The following WWOX variants were observed in gnomAD, a reference collection of about 807,000 sequenced individuals.
WWOX encodes the protein WW domain containing oxidoreductase.
Under a neutral mutation model 46.2 loss-of-function variants are expected in WWOX, and 69 were observed. The observed-to-expected ratio is 1.49, with a 90% CI of 1.23 to 1.82. The LOEUF (loss-of-function observed/expected upper bound fraction) is 1.82. WWOX is among the 40% of genes most tolerant of loss of function. The pLI is 0.00. For missense variants in WWOX, 919 were observed against 542.6 expected (o/e 1.69, Z -6.89); for synonymous variants, 359 against 202.6 (o/e 1.77, Z -6.56).
At chr16:78,159,671 G>GTTTTTTTTTT (rs1343670783) in intron 4 of WWOX, among the ~76,000 whole-genome samples, 9 of 84,596 alleles carry the variant, frequency 1.1e-4, no homozygotes, top group Admixed American at 2.8e-4. Context: ...TAAAATCTGT[G>GTTTTTTTTTT]GTTTTTTTTT....
At chr16:78,988,977 C>T (rs2046833049) in intron 8 of WWOX, among the ~76,000 whole-genome samples, 1 of 152,174 alleles carries the variant, frequency 6.6e-6, no homozygotes, top group Admixed American at 6.5e-5. Context: ...AGGAGAATTC[C>T]TGAGTTCCTG....
intron 5 of WWOX, among the ~76,000 whole-genome samples, chr16:78,367,823 C>G (rs1567529159): frequency 1.3e-5 from 2 of 151,900 alleles, no homozygotes; most frequent in Non-Finnish European, 2.9e-5. Flanking sequence ...GTGGTGCAAT[C>G]TCAGCTCACT....
intron 5 of WWOX, among the ~76,000 whole-genome samples, chr16:78,295,125 C>T (rs1242406788): frequency 6.6e-6 from 1 of 152,062 alleles, no homozygotes; most frequent in Non-Finnish European, 1.5e-5. Flanking sequence ...AGTCTCATGT[C>T]CCCTTGGCTT....
chr16:78,975,922 C>CT (rs2046563437), intron 8 of WWOX, among the ~76,000 whole-genome samples: 1 of 152,210 alleles, frequency 6.6e-6, no homozygotes, highest in African/African-American at 2.4e-5. Flanking sequence ...CTCTTCCACC[C>CT]TTTGCCCTGC....
intron 8 of WWOX, among the ~76,000 whole-genome samples, chr16:78,659,336 T>G (rs73565269): frequency 3.9e-4 from 60 of 152,138 alleles, no homozygotes; most frequent in African/African-American, 1.4e-3. Flanking sequence ...CCATCGCGCC[T>G]GGGGTTCTCA....
rs74618473 is a variant in WWOX, at chr16:78,424,802, G to A, written c.606-68G>A. The A allele has an allele frequency of 8.3e-3, 13,070 of 1,577,554 alleles. 916 individuals carry two copies. In the African/African-American group the frequency reaches 0.16, roughly 19 times the overall value. ...TTATGTCCACATCACGTGGATTCCC[G>A]AAGGAGCATGGATTATCCTTGGTTG... is the stretch of plus-strand genomic sequence containing the variant. On this transcript the variant is annotated intron_variant, in intron 6 of 8. Transcript: ENST00000566780.
chr16:78,600,830 G>A (rs1471491224), intron 8 of WWOX, among the ~76,000 whole-genome samples: 2 of 152,158 alleles, frequency 1.3e-5, no homozygotes, highest in African/African-American at 2.4e-5. Context: ...AATGGACTCA[G>A]ATGTCACTGT....
intron 8 of WWOX, among the ~76,000 whole-genome samples, chr16:78,996,008 A>G (rs1207807455): frequency 6.6e-6 from 1 of 152,214 alleles, no homozygotes; most frequent in South Asian, 2.1e-4. Flanking sequence ...GTGGCTTTGA[A>G]TGAAATACAT....
chr16:78,935,873 C>T (rs939398076), intron 8 of WWOX, among the ~76,000 whole-genome samples: 4 of 152,158 alleles, frequency 2.6e-5, no homozygotes, highest in African/African-American at 9.6e-5. Context: ...CATCACACCA[C>T]TGCACTTCGG....
At chr16:78,626,459 T>A (rs2046314091) in intron 8 of WWOX, among the ~76,000 whole-genome samples, 1 of 152,172 alleles carries the variant, frequency 6.6e-6, no homozygotes, top group Admixed American at 6.5e-5. Context: ...TTATGATGTT[T>A]TTCTCATGAG....
chr16:78,349,019 C>T (rs1456520450), intron 5 of WWOX, among the ~76,000 whole-genome samples: 8 of 119,760 alleles, frequency 6.7e-5, no homozygotes, highest in African/African-American at 2.3e-4. Context: ...TAACAAAATA[C>T]CACAGGCTGG....
chr16:78,334,821 C>CAG (rs1567508386), intron 5 of WWOX, among the ~76,000 whole-genome samples: 1 of 119,902 alleles, frequency 8.3e-6, no homozygotes, highest in Non-Finnish European at 1.8e-5. Context: ...CACACACACA[C>CAG]ACACACACAC....
chr16:78,180,473 G>A (rs1416513029), intron 5 of WWOX, among the ~76,000 whole-genome samples: 1 of 151,752 alleles, frequency 6.6e-6, no homozygotes, highest in African/African-American at 2.4e-5. Context: ...AGCTGCACCC[G>A]AGATATGGGG....
At chr16:78,547,036 G>T (rs566679978) in intron 8 of WWOX, among the ~76,000 whole-genome samples, 1 of 150,640 alleles carries the variant, frequency 6.6e-6, no homozygotes, top group Non-Finnish European at 1.5e-5. Flanking sequence ...GCTGAGGTTC[G>T]AGGGTTGCTT....
At chr16:78,949,419 G>T (rs1459041559) in intron 8 of WWOX, among the ~76,000 whole-genome samples, 2 of 152,290 alleles carry the variant, frequency 1.3e-5, no homozygotes, top group African/African-American at 4.8e-5. Context: ...CATCTAGCAT[G>T]TTTCCTCCTA....
intron 5 of WWOX, among the ~76,000 whole-genome samples, chr16:78,199,311 T>TCAAA (rs35182566): frequency 0.012 from 1,790 of 150,658 alleles, 29 homozygotes; most frequent in East Asian, 0.074. Context: ...AGACTCCATC[T>TCAAA]CAAACAAACA....
chr16:78,321,489 T>A (rs1328735160), intron 5 of WWOX, among the ~76,000 whole-genome samples: 1 of 151,218 alleles, frequency 6.6e-6, no homozygotes, highest in East Asian at 1.9e-4. Flanking sequence ...TGGGAAGGCT[T>A]ATTGAAACTT....
chr16:78,430,517 A>G lies in WWOX; in HGVS notation c.792-1971A>G, dbSNP rs577140176. Among the ~76,000 whole-genome samples, 6 of 152,244 alleles carry G rather than the reference A, an allele frequency of 3.9e-5. No homozygotes were observed. The East Asian group carries it at 5.8e-4, about 15-fold the overall frequency. ...CCACTGGGGCATTCTTCATTGAGCA[A>G]TACATCATGTGCATTGCAAGACATC... On this transcript the variant is annotated intron_variant, in intron 7 of 8. Coordinates refer to ENST00000566780, the MANE Select transcript of WWOX (RefSeq NM_016373.4).
chr16:78,878,176 G>A (rs1294773717), intron 8 of WWOX, among the ~76,000 whole-genome samples: 1 of 152,172 alleles, frequency 6.6e-6, no homozygotes, highest in East Asian at 1.9e-4. Context: ...GGTGCTGCAT[G>A]CTATTCAGGA....
Sources: allele counts gnomAD v4.1 joint callset (sites outside exome capture counted in the v4.1 genomes callset), GRCh38; gene constraint gnomAD v4.1.1; transcripts MANE v1.5; gene names NCBI Gene and HGNC (gene_info 2026-07-23, HGNC 2026-07-21).